The following RAP1A variants were observed in gnomAD, a reference collection of about 807,000 sequenced individuals.
RAP1A encodes RAP1A, member of RAS oncogene family.
Under a neutral mutation model 26.4 loss-of-function variants are expected in RAP1A, and 6 were observed. The observed-to-expected ratio is 0.23, with a 90% CI of 0.12 to 0.45. The LOEUF (loss-of-function observed/expected upper bound fraction) is 0.45. Among genes scored for constraint, RAP1A ranks in the 20% least tolerant of loss-of-function variants. RAP1A has a pLI of 0.99. For synonymous variants in RAP1A, 73 were observed against 79.4 expected (o/e 0.92, Z 0.43); for missense variants, 121 against 217.2 (o/e 0.56, Z 2.78).
chr1:111,664,445 T>C (rs1660742209), intron 1 of RAP1A, among the ~76,000 whole-genome samples: 1 of 151,124 alleles, frequency 6.6e-6, no homozygotes, highest in Non-Finnish European at 1.5e-5. Context: ...TCTCTCACCC[T>C]TTCACAGTAA....
chr1:111,616,220 T>C (rs562784099), upstream of RAP1A, among the ~76,000 whole-genome samples: 4 of 152,328 alleles, frequency 2.6e-5, no homozygotes, highest in South Asian at 2.1e-4. Flanking sequence ...AAAGTGCCCA[T>C]TGGGTTCTCC....
In RAP1A at chr1:111,714,917, G is replaced by C. The variant is rs192568517; in HGVS notation, c.*2516G>C. 6 of 152,230 alleles carry C rather than the reference G, an allele frequency of 3.9e-5. No homozygotes were observed. The East Asian group carries it at 1.2e-3, about 29-fold the overall frequency. 9.4% of individuals were successfully genotyped at this position (152,230 alleles called of 1,614,324 possible). On this transcript the variant is annotated 3_prime_UTR_variant, in exon 8 of 8. Coordinates refer to ENST00000369709, the MANE Select transcript of RAP1A (RefSeq NM_002884.4). ...ATTTAAAGTATAATGACTTTGGTTT[G>C]GTTATATGAGTGACACAGAATTTAA...
rs755298676 is a variant in RAP1A at position 111,644,803 on chromosome 1, A to T, written c.-28+24869A>T. ...TTTTGGGGAAGGGGGAGGGTCATAGATCTCTTTGAAATTTTGAAATTTTGG... is the reference window on the plus strand; with the variant it reads ...TTTTGGGGAAGGGGGAGGGTCATAGTTCTCTTTGAAATTTTGAAATTTTGG... On this transcript the variant is annotated intron_variant, in intron 1 of 7. Transcript: ENST00000369709. Among the ~76,000 whole-genome samples the T allele has an allele frequency of 1.9e-4, 29 of 152,126 alleles. 1 individual carries two copies. Among genetic ancestry groups the T allele is most frequent in the Non-Finnish European group, 2.4e-4 (16 of 68,024 alleles).
At chr1:111,593,652 C>CTTTTTTTTTTTTTT (rs994763442) in intron 1 of RAP1A, among the ~76,000 whole-genome samples, 7 of 65,408 alleles carry the variant, frequency 1.1e-4, no homozygotes, top group Admixed American at 2.1e-4. Context: ...ATGACTCCTA[C>CTTTTTTTTTTTTTT]TTTTTTTTTT....
At chr1:111,667,427 G>A (rs1475185173) in intron 1 of RAP1A, among the ~76,000 whole-genome samples, 1 of 152,164 alleles carries the variant, frequency 6.6e-6, no homozygotes, top group Non-Finnish European at 1.5e-5. Context: ...GCTCACTCCT[G>A]TAATATCAGC....
At position 111,627,768 on chromosome 1, in the gene RAP1A, A is replaced by G. The variant is rs570758300; in HGVS notation, c.-28+7834A>G. Among the ~76,000 whole-genome samples, 23 of 151,808 alleles carry G rather than the reference A, an allele frequency of 1.5e-4. No individual in the cohort carries two copies. The South Asian group carries it at 4.8e-3, about 32-fold the overall frequency. ...AAAAAAAATTACTGATTAAAGTTGG[A>G]ATTTCAGCATTTTTTTTTTTGGAGA... On this transcript the variant is annotated intron_variant, in intron 1 of 7. Coordinates refer to ENST00000369709, the MANE Select transcript of RAP1A (RefSeq NM_002884.4).
At chr1:111,568,702 C>T (rs2101054007) in intron 1 of RAP1A, among the ~76,000 whole-genome samples, 1 of 152,274 alleles carries the variant, frequency 6.6e-6, no homozygotes, top group East Asian at 1.9e-4. Flanking sequence ...CAGGTCCACT[C>T]ACATGCAGAT....
intron 1 of RAP1A, among the ~76,000 whole-genome samples, chr1:111,687,117 T>G (rs899744535): frequency 6.6e-6 from 1 of 152,156 alleles, no homozygotes; most frequent in Non-Finnish European, 1.5e-5. Context: ...TCTACCATCT[T>G]GCCTTTTGCC....
chr1:111,711,383 C>A (rs1295108341), intron 7 of RAP1A, among the ~76,000 whole-genome samples: 1 of 152,176 alleles, frequency 6.6e-6, no homozygotes, highest in African/African-American at 2.4e-5. Context: ...GGAAAAGGTG[C>A]CATCTCCTGG....
chr1:111,595,713 G>A (rs1037579714), intron 1 of RAP1A, among the ~76,000 whole-genome samples: 3 of 152,230 alleles, frequency 2.0e-5, no homozygotes, highest in African/African-American at 7.2e-5. Context: ...TGGCACCAGT[G>A]AGGATGGGCA....
chr1:111,583,290 TAAAAAA>T (rs33946441), intron 1 of RAP1A, among the ~76,000 whole-genome samples: 2 of 143,642 alleles, frequency 1.4e-5, no homozygotes, highest in Admixed American at 6.9e-5. Flanking sequence ...GCTCATGCTT[TAAAAAA>T]AAAAAAAAAA....
chr1:111,652,111 C>T (rs1660292294), intron 1 of RAP1A, among the ~76,000 whole-genome samples: 1 of 151,416 alleles, frequency 6.6e-6, no homozygotes, highest in South Asian at 2.1e-4. Flanking sequence ...GTAGCTGGAA[C>T]TATAGGCTTG....
At chr1:111,635,211 T>C (rs1659691379) in intron 1 of RAP1A, among the ~76,000 whole-genome samples, 1 of 152,218 alleles carries the variant, frequency 6.6e-6, no homozygotes, top group African/African-American at 2.4e-5. Flanking sequence ...TGTTGTACCT[T>C]GCCTTGGAAA....
intron 1 of RAP1A, among the ~76,000 whole-genome samples, chr1:111,653,398 T>G (rs1428267788): frequency 6.6e-6 from 1 of 151,976 alleles, no homozygotes; most frequent in Non-Finnish European, 1.5e-5. Context: ...TTGAAAATGG[T>G]GGGCCAGGCG....
At chr1:111,594,314 A>C (rs1658521641) in intron 1 of RAP1A, among the ~76,000 whole-genome samples, 3 of 152,198 alleles carry the variant, frequency 2.0e-5, no homozygotes, top group Admixed American at 2.0e-4. Context: ...ATCTACAAAA[A>C]ATAAAAAATA....
At chr1:111,656,904 A>G (rs191172275) in intron 1 of RAP1A, among the ~76,000 whole-genome samples, 278 of 152,140 alleles carry the variant, frequency 1.8e-3, no homozygotes, top group African/African-American at 6.5e-3. Flanking sequence ...AAAATTAAGT[A>G]CATTCACATT....
chr1:111,645,727 T>A (rs1374251204), intron 1 of RAP1A, among the ~76,000 whole-genome samples: 3 of 152,208 alleles, frequency 2.0e-5, no homozygotes, highest in Non-Finnish European at 4.4e-5. Flanking sequence ...GTGATGAAAC[T>A]GAGGCTCAGA....
rs1272722266 is a variant in RAP1A at position 111,712,763 on chromosome 1, TCCTC to T, written c.*366_*369del. ...TTTCATATTGATCTTTTTATCATGA[TCCTC>T]CCTATCAAGCACTAAAAAGTTGAAC... On this transcript the variant is annotated 3_prime_UTR_variant, in exon 8 of 8. Coordinates refer to ENST00000369709, the MANE Select transcript of RAP1A (RefSeq NM_002884.4). The T allele has an allele frequency of 3.9e-5, 6 of 152,532 alleles. No homozygotes were observed. The highest frequency in any genetic ancestry group is 9.7e-5 in the African/African-American group (4 of 41,448). 9.4% of individuals were successfully genotyped at this position (152,532 alleles called of 1,614,324 possible).
intron 7 of RAP1A, among the ~76,000 whole-genome samples, chr1:111,711,035 T>C (rs1023293565): frequency 5.3e-5 from 8 of 152,166 alleles, no homozygotes; most frequent in Non-Finnish European, 1.2e-4. Flanking sequence ...TTTCATCACA[T>C]TGGCCTGGCT....
Sources: gnomAD v4.1 joint callset for allele counts (sites outside exome capture counted in the v4.1 genomes callset) on GRCh38, gnomAD v4.1.1 for gene constraint, MANE v1.5 for transcripts, NCBI Gene and HGNC (gene_info 2026-07-23, HGNC 2026-07-21) for gene names.